The following SMC5 variants were observed in gnomAD, a reference collection of about 807,000 sequenced individuals.
SMC5 encodes structural maintenance of chromosomes protein 5.
SMC5 carries 88 observed loss-of-function variants against 148.3 expected under a neutral mutation model. That is an observed-to-expected ratio of 0.59 (90% CI 0.50 to 0.71). The LOEUF (loss-of-function observed/expected upper bound fraction) is 0.71, where lower values mean the gene tolerates loss of function less well. SMC5 is among the 30% of genes least tolerant of loss of function. SMC5 has a pLI of 0.00. For synonymous variants in SMC5, 421 were observed against 432.8 expected, an observed-to-expected ratio of 0.97 and a Z score of 0.34; for missense variants, 1,142 against 1,298.9, an observed-to-expected ratio of 0.88 and a Z score of 1.86.
rs185157794 is a variant in SMC5, at chr9:70,259,183, G to A, written c.105G>A (p.Ser35=). 10 of 1,609,922 alleles carry A rather than the reference G, an allele frequency of 6.2e-6. No homozygotes were observed. In the East Asian group the frequency reaches 1.3e-4, roughly 22 times the overall value. Residue 35 remains serine (S), a synonymous_variant, in exon 1 of 25, where the codon TCG becomes TCA. Coordinates refer to ENST00000361138, the MANE Select transcript of SMC5 (RefSeq NM_015110.4). ...SSEVPSKRKN[S]APQLPLLQSS... Reference sequence around the variant, plus strand: ...AGGTCCCGAGCAAGAGGAAGAATTCGGCCCCGCAGCTGCCGCTGTTGCAGT... The same window carrying A: ...AGGTCCCGAGCAAGAGGAAGAATTCAGCCCCGCAGCTGCCGCTGTTGCAGT...
chr9:70,282,622 T>C (rs1384934137), intron 7 of SMC5, 39 bp downstream of exon 7: 1 of 1,513,928 alleles, frequency 6.6e-7, no homozygotes. Context: ...CTGAATTTTA[T>C]TTTAGCAAAT....
In SMC5 at chr9:70,345,178, A is replaced by T. The variant is rs938099134; in HGVS notation, c.2523+909A>T. Reference sequence around the variant, plus strand: ...AAATAAATATAAGTACAATCTACTAATTTTTTTTTTCAGAAAAAGCATGAT... The same window carrying T: ...AAATAAATATAAGTACAATCTACTATTTTTTTTTTTCAGAAAAAGCATGAT... On this transcript the variant is annotated intron_variant, in intron 18 of 24. Transcript: ENST00000361138. Among the ~76,000 whole-genome samples the T allele has an allele frequency of 4.9e-3, 712 of 144,364 alleles. 7 individuals carry two copies. The highest frequency in any genetic ancestry group is 0.015 in the African/African-American group (609 of 40,522). 94.7% of individuals were successfully genotyped at this position (144,364 alleles called of 152,430 possible). A position where few individuals can be genotyped will look rare whatever the true frequency, so the allele number is the denominator to read the frequency against.
At chr9:70,280,674 C>A in intron 5 of SMC5, 85 bp from the exon 6 acceptor site, 2 of 1,282,786 alleles carry the variant, frequency 1.6e-6, no homozygotes, top group Non-Finnish European at 2.2e-6. Flanking sequence ...TGAAATTTTG[C>A]CATCGTTTAT....
chr9:70,348,429 C>T (rs954808), intron 22 of SMC5, among the ~76,000 whole-genome samples: 10,462 of 151,784 alleles, frequency 0.069, 574 homozygotes, highest in East Asian at 0.22. Flanking sequence ...TGGTGGCTCA[C>T]GCCTGTAATC....
At chr9:70,340,786 C>A (rs1182250495) in intron 17 of SMC5, among the ~76,000 whole-genome samples, 2 of 152,080 alleles carry the variant, frequency 1.3e-5, no homozygotes, top group African/African-American at 4.8e-5. Context: ...AGAGGGCCTT[C>A]TTAGAAAAGC....
rs752959888 is a variant in SMC5, at chr9:70,350,362, T to C, written c.3070-14T>C. 3.7e-6 allele frequency: 6 copies of C among 1,610,394 alleles called. No individual in the cohort carries two copies. Among genetic ancestry groups the C allele is most frequent in the Non-Finnish European group, 5.1e-6 (6 of 1,178,378 alleles). The stretch of plus-strand genomic sequence containing the variant: ...ACAGGAATAAATGTAATCATTATTG[T>C]TGCCATTGTTTAGGGAATGGACCCA... On this transcript the variant is annotated splice_polypyrimidine_tract_variant and intron_variant, in intron 23 of 24. Transcript: ENST00000361138.
chr9:70,260,793 A>T (rs1268388923), intron 1 of SMC5, among the ~76,000 whole-genome samples: 1 of 152,182 alleles, frequency 6.6e-6, no homozygotes, highest in South Asian at 2.1e-4. Context: ...CCCACGCTGG[A>T]GCTCAGTGGC....
chr9:70,274,738 A>G (rs2034542425), intron 3 of SMC5, among the ~76,000 whole-genome samples: 1 of 151,298 alleles, frequency 6.6e-6, no homozygotes, highest in East Asian at 1.9e-4. Flanking sequence ...TTTGTCTTGG[A>G]AATTAGGCAT....
At chr9:70,313,757 C>A (rs937004401) in intron 11 of SMC5, among the ~76,000 whole-genome samples, 1 of 152,170 alleles carries the variant, frequency 6.6e-6, no homozygotes, top group Admixed American at 6.5e-5. Flanking sequence ...GTCTCGGCCT[C>A]CCAAAGTGCT....
rs1420818653 is a variant in SMC5, at chr9:70,352,578, A to G, written c.*247A>G. On this transcript the variant is annotated 3_prime_UTR_variant, in exon 25 of 25. Coordinates refer to ENST00000361138, the MANE Select transcript of SMC5 (RefSeq NM_015110.4). ...TTGGCACTCTGACCATGAGTCATTC[A>G]GTTCTCATGTTAAAATGTACTTAAT... The G allele has an allele frequency of 2.6e-6, 1 of 387,708 alleles. No homozygotes were observed. Among genetic ancestry groups the G allele is most frequent in the Non-Finnish European group, 4.6e-6 (1 of 217,532 alleles). 24.0% of individuals were successfully genotyped at this position (387,708 alleles called of 1,614,324 possible). A position where few individuals can be genotyped will look rare whatever the true frequency, so the allele number is the denominator to read the frequency against.
chr9:70,288,350 T>C (rs1467200525), intron 8 of SMC5, among the ~76,000 whole-genome samples: 1 of 152,190 alleles, frequency 6.6e-6, no homozygotes, highest in Non-Finnish European at 1.5e-5. Context: ...ATATTTCTTC[T>C]CTTCCTATCA....
At chr9:70,346,845 T>C (rs1384391185) in intron 19 of SMC5, among the ~76,000 whole-genome samples, 196 bp downstream of exon 19, 1 of 152,214 alleles carries the variant, frequency 6.6e-6, no homozygotes. Context: ...ATACTCAACA[T>C]CAATACATTG....
intron 11 of SMC5, among the ~76,000 whole-genome samples, 154 bp from the exon 12 acceptor site, chr9:70,314,588 C>G (rs1271528363): frequency 6.6e-6 from 1 of 150,742 alleles, no homozygotes. Context: ...ACAGTATTAT[C>G]ACAGTAAAAA....
chr9:70,338,106 C>T (rs762605279), intron 17 of SMC5, among the ~76,000 whole-genome samples: 5 of 152,076 alleles, frequency 3.3e-5, no homozygotes, highest in Non-Finnish European at 7.4e-5. Context: ...GCCTGGAAAT[C>T]CTGGGCTCAA....
intron 11 of SMC5, among the ~76,000 whole-genome samples, chr9:70,308,192 G>A (rs2118501071): frequency 6.6e-6 from 1 of 152,186 alleles, no homozygotes; most frequent in African/African-American, 2.4e-5. Context: ...GTACCTTCTA[G>A]TCTTTCTCCT....
intron 8 of SMC5, among the ~76,000 whole-genome samples, chr9:70,290,192 TG>T (rs2118285711): frequency 6.6e-6 from 1 of 152,342 alleles, no homozygotes; most frequent in South Asian, 2.1e-4. Flanking sequence ...GTGTTGCTTT[TG>T]TATTATACTT....
At chr9:70,286,317 A>G in intron 8 of SMC5, 46 bp downstream of exon 8, 1 of 1,266,944 alleles carries the variant, frequency 7.9e-7, no homozygotes, top group African/African-American at 1.5e-5. Flanking sequence ...GTTTGCTCTA[A>G]CTTTTGTTTT....
intron 10 of SMC5, among the ~76,000 whole-genome samples, chr9:70,301,968 A>G (rs755455785): frequency 1.3e-5 from 2 of 152,226 alleles, no homozygotes; most frequent in Non-Finnish European, 2.9e-5. Flanking sequence ...GATTGTGATG[A>G]TATGACTGTG....
intron 17 of SMC5, 33 bp downstream of exon 17, chr9:70,324,176 G>C: frequency 6.4e-7 from 1 of 1,572,438 alleles, no homozygotes; most frequent in African/African-American, 1.4e-5. Context: ...TTATTTTGAG[G>C]TTCTAACCTC....
Sources: gnomAD v4.1 joint callset for allele counts (sites outside exome capture counted in the v4.1 genomes callset) on GRCh38, gnomAD v4.1.1 for gene constraint, MANE v1.5 for transcripts, NCBI Gene and HGNC (gene_info 2026-07-23, HGNC 2026-07-21) for gene names.